The following MCM8 variants were observed in gnomAD, a reference collection of about 807,000 sequenced individuals.
MCM8 encodes the protein minichromosome maintenance 8 homologous recombination repair factor.
In MCM8, 85 loss-of-function variants were observed where a neutral mutation model predicts 98.9. The observed-to-expected ratio is 0.86, with a 90% CI of 0.72 to 1.03. MCM8 has a LOEUF of 1.03. MCM8 is among the 50% of genes least tolerant of loss of function. The probability of loss-of-function intolerance (pLI) is 0.00; values close to 1 mark genes in which losing one functional copy is unlikely to be tolerated. For synonymous variants in MCM8, 352 were observed against 338.6 expected, an observed-to-expected ratio of 1.04 and a Z score of -0.44; for missense variants, 951 against 997.8, an observed-to-expected ratio of 0.95 and a Z score of 0.63.
chr20:5,967,916 A>G lies in MCM8; in HGVS notation c.1114A>G (p.Ser372Gly), dbSNP rs540600787. ...ISNSKGQKTK[S>G]SEDGCKHGML... ...TAATAGCAAAGGACAGAAAACAAAG[A>G]GTTCTGAGGATGGGTGTAAGCATGG... The change falls in exon 10 of 19, where the codon AGT becomes GGT. Residue 372 changes from serine (S) to glycine (G), a missense_variant. Ser to Gly is a moderately conservative substitution (Grantham distance 56). Coordinates refer to ENST00000610722, the MANE Select transcript of MCM8 (RefSeq NM_032485.6). 6.2e-7 allele frequency: 1 copy of G among 1,614,066 alleles called. No individual in the cohort carries two copies. Among genetic ancestry groups the G allele is most frequent in the East Asian group, 2.2e-5 (1 of 44,862 alleles).
chr20:5,955,058 C>T, intron 4 of MCM8, 44 bp from the exon 5 acceptor site: 1 of 1,393,928 alleles, frequency 7.2e-7, no homozygotes, highest in Non-Finnish European at 1.0e-6. Flanking sequence ...TGGTAATTGA[C>T]TACAGAAAAG....
intron 13 of MCM8, among the ~76,000 whole-genome samples, chr20:5,980,482 A>T (rs1275207061): frequency 2.0e-5 from 3 of 152,232 alleles, no homozygotes; most frequent in Non-Finnish European, 2.9e-5. Context: ...GTTATTATAT[A>T]GCTCATCAGA....
Position 5,967,541 on chromosome 20 carries a change from C to T in MCM8, c.981C>T (p.Asp327=), listed in dbSNP as rs143531920. ...TTGTGGATAGCTGTGTCCCGGGAGA[C>T]ACAGTGACTATTACTGGAATTGTCA... ...HDLVDSCVPG[D]TVTITGIVKV... is the part of the protein sequence containing the mutation. The change falls in exon 9 of 19, where the codon GAC becomes GAT. Residue 327 remains aspartate (D), a synonymous_variant. Transcript: ENST00000610722. 6.2e-7 allele frequency: 1 copy of T among 1,613,828 alleles called. No homozygotes were observed. Among genetic ancestry groups the T allele is most frequent in the African/African-American group, 1.3e-5 (1 of 75,010 alleles).
Position 5,993,510 on chromosome 20 carries a change from C to A in MCM8, c.2245C>A (p.Leu749Ile). ...TTTTCTTCCTTTCTTTTTAAGCATG[C>A]TAGGAACTTACTCTGATGAATTTGG... ...DIVEIMKYSM[L>I]GTYSDEFGNL... The change falls in exon 18 of 19, where the codon CTA becomes ATA. Residue 749 changes from leucine (L) to isoleucine (I), a missense_variant. Coordinates refer to ENST00000610722, the MANE Select transcript of MCM8 (RefSeq NM_032485.6). 6.5e-7 allele frequency: 1 copy of A among 1,546,156 alleles called. No homozygotes were observed. The highest frequency in any genetic ancestry group is 8.8e-7 in the Non-Finnish European group (1 of 1,139,358).
At position 5,991,801 on chromosome 20, in the gene MCM8, T is replaced by C. The variant is rs62205717; in HGVS notation, c.2241-1705T>C. 3.9e-3 allele frequency among the ~76,000 whole-genome samples: 588 copies of C among 152,338 alleles called. 1 individual carries two copies. The highest frequency in any genetic ancestry group is 6.0e-3 in the Admixed American group (92 of 15,296). On this transcript the variant is annotated intron_variant, in intron 17 of 18. Coordinates refer to ENST00000610722, the MANE Select transcript of MCM8 (RefSeq NM_032485.6). ...TCATAAAGTAGGCCTTCAGTAAATG[T>C]CCTGCACTGATAGTAAAGTTGACCT...
intron 8 of MCM8, among the ~76,000 whole-genome samples, chr20:5,966,875 G>T (rs2122715868): frequency 6.6e-6 from 1 of 152,288 alleles, no homozygotes; most frequent in East Asian, 1.9e-4. Context: ...GTTTTTGCCA[G>T]ATGATAAAGT....
At chr20:5,980,703 C>T (rs1253674549) in intron 13 of MCM8, among the ~76,000 whole-genome samples, 2 of 152,040 alleles carry the variant, frequency 1.3e-5, no homozygotes, top group Non-Finnish European at 2.9e-5. Flanking sequence ...AAAACCCTGT[C>T]TCTACTAAAA....
chr20:5,956,566 G>A (rs1174685147), intron 5 of MCM8, among the ~76,000 whole-genome samples: 4 of 152,048 alleles, frequency 2.6e-5, no homozygotes, highest in Non-Finnish European at 5.9e-5. Context: ...GCTAATTTTT[G>A]TATTTTTAGT....
intron 7 of MCM8, among the ~76,000 whole-genome samples, chr20:5,959,857 C>G (rs1272647450): frequency 1.3e-5 from 2 of 151,992 alleles, no homozygotes. Context: ...CGCCACCATG[C>G]CTGGCTAATT....
rs11472210 is a variant in MCM8 at position 5,994,478 on chromosome 20, GACACACACACACACACAC to G, written c.*115_*132del. On this transcript the variant is annotated 3_prime_UTR_variant, in exon 19 of 19. Coordinates refer to ENST00000610722, the MANE Select transcript of MCM8 (RefSeq NM_032485.6). ...ATATGCGTGCACGCACAGACAGACA[GACACACACACACACACAC>G]ACACACACACACACACACACACACA... is the stretch of plus-strand genomic sequence containing the variant. 1.8e-4 allele frequency: 71 copies of G among 384,458 alleles called. 1 individual carries two copies. Among genetic ancestry groups the G allele is most frequent in the Middle Eastern group, 7.1e-4 (1 of 1,404 alleles). 23.8% of individuals were successfully genotyped at this position (384,458 alleles called of 1,614,324 possible).
rs1415060775 is a variant in MCM8, at chr20:5,983,294, A to G, written c.1733+129A>G. 4.0e-6 allele frequency: 3 copies of G among 758,366 alleles called. No homozygotes were observed. The East Asian group carries it at 8.4e-5, about 21-fold the overall frequency. 47.0% of individuals were successfully genotyped at this position (758,366 alleles called of 1,614,324 possible). A position where few individuals can be genotyped will look rare whatever the true frequency, so the allele number is the denominator to read the frequency against. ...CACAGAAGTTATAAATGTCCAATAA[A>G]TGCACAAAAATGTGCTTAAACACTG... On this transcript the variant is annotated intron_variant, in intron 14 of 18. Transcript: ENST00000610722.
rs546125012 is a variant in MCM8 at position 5,973,864 on chromosome 20, AG to A, written c.1395+670del. ...GAGACAGGGTTTTGCTGTGTTGGCC[AG>A]GCTGGTCTTGAACTCTTGGCCTCAA... On this transcript the variant is annotated intron_variant, in intron 12 of 18. Coordinates refer to ENST00000610722, the MANE Select transcript of MCM8 (RefSeq NM_032485.6). Among the ~76,000 whole-genome samples the A allele has an allele frequency of 9.8e-4, 150 of 152,300 alleles. 1 individual carries two copies. Among genetic ancestry groups the A allele is most frequent in the African/African-American group, 3.2e-3 (133 of 41,562 alleles).
Position 5,950,865 on chromosome 20 carries a change from C to CT in MCM8, c.-164_-163insT, listed in dbSNP as rs1199008670. 5 of 152,510 alleles carry CT rather than the reference C, an allele frequency of 3.3e-5. No individual in the cohort carries two copies. The highest frequency in any genetic ancestry group is 1.2e-4 in the African/African-American group (5 of 41,320). 9.4% of individuals were successfully genotyped at this position (152,510 alleles called of 1,614,324 possible). A position where few individuals can be genotyped will look rare whatever the true frequency, so the allele number is the denominator to read the frequency against. ...CGGCTGAAGAGAACTGCGGACTTGG[C>CT]AGGAGTCGCCTGAGGAGCTAAGATC... is the stretch of plus-strand genomic sequence containing the variant. On this transcript the variant is annotated 5_prime_UTR_variant, in exon 1 of 19. Coordinates refer to ENST00000610722, the MANE Select transcript of MCM8 (RefSeq NM_032485.6).
chr20:5,965,305 C>G (rs1375508692), intron 8 of MCM8: 5 of 152,208 alleles, frequency 3.3e-5, no homozygotes, highest in Admixed American at 6.5e-5. Flanking sequence ...TTTATCCCCC[C>G]TTAGCAAAAA....
At chr20:5,960,841 C>T (rs977324320) in intron 7 of MCM8, among the ~76,000 whole-genome samples, 2 of 152,030 alleles carry the variant, frequency 1.3e-5, no homozygotes, top group African/African-American at 2.4e-5. Context: ...AGGCTGAGGC[C>T]GGAGAATCGC....
At chr20:5,967,615 T>C (rs1244637976) in intron 9 of MCM8, 28 bp downstream of exon 9, 2 of 1,583,830 alleles carry the variant, frequency 1.3e-6, no homozygotes, top group Non-Finnish European at 8.6e-7. Flanking sequence ...TCATTATTTG[T>C]CTCTCAATAA....
rs1047254799 is a variant in MCM8, at chr20:5,994,464, C to T, written c.*73C>T. 2.0e-5 allele frequency: 15 copies of T among 756,562 alleles called. No individual in the cohort carries two copies. The highest frequency in any genetic ancestry group is 2.5e-5 in the Non-Finnish European group (11 of 447,644). 46.9% of individuals were successfully genotyped at this position (756,562 alleles called of 1,614,324 possible). A position where few individuals can be genotyped will look rare whatever the true frequency, so the allele number is the denominator to read the frequency against. On this transcript the variant is annotated 3_prime_UTR_variant, in exon 19 of 19. Coordinates refer to ENST00000610722, the MANE Select transcript of MCM8 (RefSeq NM_032485.6). Reference sequence around the variant, plus strand: ...CCATCTCAGTGAAGATATGCGTGCACGCACAGACAGACAGACACACACACA... The same window carrying T: ...CCATCTCAGTGAAGATATGCGTGCATGCACAGACAGACAGACACACACACA...
rs1414633198 is a variant in MCM8, at chr20:5,997,361, G to T, written c.*2970G>T. 1 of 151,976 alleles carries T rather than the reference G, an allele frequency of 6.6e-6. No homozygotes were observed. The highest frequency in any genetic ancestry group is 1.5e-5 in the Non-Finnish European group (1 of 68,052). 9.4% of individuals were successfully genotyped at this position (151,976 alleles called of 1,614,324 possible). Reference sequence around the variant, plus strand: ...CACCATGGCTAATTTTGTATTTTTAGTAGAGACGGGGTTTCTCCATGTTGG... The same window carrying T: ...CACCATGGCTAATTTTGTATTTTTATTAGAGACGGGGTTTCTCCATGTTGG... On this transcript the variant is annotated 3_prime_UTR_variant, in exon 19 of 19. Coordinates refer to ENST00000610722, the MANE Select transcript of MCM8 (RefSeq NM_032485.6).
At position 5,977,926 on chromosome 20, in the gene MCM8, G is replaced by C; in HGVS notation, c.1446G>C (p.Thr482=). 6.2e-7 allele frequency: 1 copy of C among 1,614,154 alleles called. No individual in the cohort carries two copies. Among genetic ancestry groups the C allele is most frequent in the Non-Finnish European group, 8.5e-7 (1 of 1,180,020 alleles). Residue 482 remains threonine, a synonymous_variant, in exon 13 of 19, where the codon ACG becomes ACC. Transcript: ENST00000610722. ...PRGVYVCGNT[T]TTSGLTVTLS... is the part of the protein sequence containing the mutation. The stretch of plus-strand genomic sequence containing the variant: ...GCGTGTATGTTTGTGGTAACACCAC[G>C]ACCACCTCTGGTCTGACGGTAACTC...
Sources: gnomAD v4.1 joint callset for allele counts (sites outside exome capture counted in the v4.1 genomes callset) on GRCh38, gnomAD v4.1.1 for gene constraint, MANE v1.5 for transcripts, NCBI Gene and HGNC (gene_info 2026-07-23, HGNC 2026-07-21) for gene names.